The following SH3D19 variants were observed in gnomAD, a reference collection of about 807,000 sequenced individuals.
The protein encoded by SH3D19 is SH3 domain containing 19, also known as SH3 domain-containing protein 19.
In SH3D19, 58 loss-of-function variants were observed where a neutral mutation model predicts 112.1. The ratio of observed to expected loss-of-function variants is 0.52; its 90% CI spans 0.42 to 0.64. The LOEUF (loss-of-function observed/expected upper bound fraction) is 0.64, where lower values mean the gene tolerates loss of function less well. Among genes scored for constraint, SH3D19 ranks in the 30% least tolerant of loss-of-function variants. The pLI, the probability that SH3D19 is intolerant of heterozygous loss-of-function variation, is 0.00. For missense variants in SH3D19, 1,090 were observed against 1,263.4 expected (o/e 0.86, Z 2.08); for synonymous variants, 391 against 448.5 (o/e 0.87, Z 1.62).
chr4:151,156,629 C>T (rs1451906134), intron 9 of SH3D19, among the ~76,000 whole-genome samples: 3 of 152,052 alleles, frequency 2.0e-5, no homozygotes, highest in African/African-American at 4.8e-5. Context: ...CATATGCAGA[C>T]GAATGAAACT....
At chr4:151,186,794 A>AT (rs1225256937) in intron 3 of SH3D19, among the ~76,000 whole-genome samples, 16,294 of 125,814 alleles carry the variant, frequency 0.13, 1,796 homozygotes, top group African/African-American at 0.28. Context: ...TGGTTACATA[A>AT]TTTTTTTTTT....
intron 1 of SH3D19, among the ~76,000 whole-genome samples, chr4:151,253,689 C>T (rs1771582546): frequency 6.6e-6 from 1 of 151,134 alleles, no homozygotes; most frequent in Non-Finnish European, 1.5e-5. Context: ...TGCAGTAAGC[C>T]GAAATCGCAC....
chr4:151,191,467 C>G (rs560225374), intron 2 of SH3D19, among the ~76,000 whole-genome samples: 1 of 152,058 alleles, frequency 6.6e-6, no homozygotes, highest in African/African-American at 2.4e-5. Context: ...ATGGGAGGAA[C>G]CTGGTGGGAG....
At position 151,194,016 on chromosome 4, in the gene SH3D19, A is replaced by ATTTTTTTTTT. The variant is rs201719037; in HGVS notation, c.153-6563_153-6554dup. Among the ~76,000 whole-genome samples, 4 of 111,902 alleles carry ATTTTTTTTTT rather than the reference A, an allele frequency of 3.6e-5. 1 individual carries two copies. The highest frequency in any genetic ancestry group is 8.9e-5 in the African/African-American group (2 of 22,412). 73.4% of individuals were successfully genotyped at this position (111,902 alleles called of 152,430 possible). Reference sequence around the variant, plus strand: ...GATGTGTAGCAGTATAGTAGGATTAATTTTTTTTTTTTTTTTTTTTTTTTT... The same window carrying ATTTTTTTTTT: ...GATGTGTAGCAGTATAGTAGGATTAATTTTTTTTTTTTTTTTTTTTTTTTTTTTTTTTTTT... On this transcript the variant is annotated intron_variant, in intron 2 of 19. Transcript: ENST00000604030.
intron 9 of SH3D19, among the ~76,000 whole-genome samples, chr4:151,154,272 A>G (rs1755645819): frequency 6.6e-6 from 1 of 151,784 alleles, no homozygotes; most frequent in African/African-American, 2.4e-5. Flanking sequence ...AGCTGGGATT[A>G]CAGGCATGCA....
chr4:151,153,222 C>T (rs1755407479), intron 9 of SH3D19, among the ~76,000 whole-genome samples: 1 of 152,010 alleles, frequency 6.6e-6, no homozygotes, highest in Non-Finnish European at 1.5e-5. Context: ...TGTTTCTTAT[C>T]TTTTTTCTCC....
intron 12 of SH3D19, among the ~76,000 whole-genome samples, chr4:151,143,252 A>AT (rs1329502779): frequency 2.0e-5 from 3 of 151,648 alleles, no homozygotes; most frequent in East Asian, 3.9e-4. Flanking sequence ...AAAAATTCTA[A>AT]TTTTTTTTAG....
chr4:151,155,126 C>T (rs1001264604), intron 9 of SH3D19, among the ~76,000 whole-genome samples: 1 of 152,176 alleles, frequency 6.6e-6, no homozygotes, highest in Admixed American at 6.5e-5. Flanking sequence ...ATATAATGGA[C>T]ATTAACAAAT....
chr4:151,195,986 A>G (rs922237395), intron 2 of SH3D19, among the ~76,000 whole-genome samples: 1 of 151,936 alleles, frequency 6.6e-6, no homozygotes, highest in Non-Finnish European at 1.5e-5. Flanking sequence ...CAAAAACTAT[A>G]TATATGCAAA....
intron 10 of SH3D19, 67 bp from the exon 11 acceptor site, chr4:151,148,253 TTACA>T: frequency 8.0e-7 from 1 of 1,250,854 alleles, no homozygotes. Flanking sequence ...CTGTCCTGTC[TTACA>T]CACACACACA....
At chr4:151,192,825 T>C (rs955726027) in intron 2 of SH3D19, among the ~76,000 whole-genome samples, 4 of 152,194 alleles carry the variant, frequency 2.6e-5, no homozygotes, top group African/African-American at 7.2e-5. Context: ...GTATATTTAG[T>C]TTCATATTTA....
chr4:151,143,591 A>C (rs1242324716), intron 12 of SH3D19, among the ~76,000 whole-genome samples: 2 of 152,096 alleles, frequency 1.3e-5, no homozygotes, highest in Non-Finnish European at 2.9e-5. Flanking sequence ...ATTTTACTTG[A>C]TCACTATTAT....
chr4:151,194,016 ATTTTTTTTTTT>A lies in SH3D19; in HGVS notation c.153-6564_153-6554del, dbSNP rs201719037. On this transcript the variant is annotated intron_variant, in intron 2 of 19. Transcript: ENST00000604030. The stretch of plus-strand genomic sequence containing the variant: ...GATGTGTAGCAGTATAGTAGGATTA[ATTTTTTTTTTT>A]TTTTTTTTTTTTTTTTTTTTGGTCA... 5.4e-5 allele frequency among the ~76,000 whole-genome samples: 6 copies of A among 111,896 alleles called. No homozygotes were observed. The East Asian group carries it at 7.7e-4, about 14-fold the overall frequency. 73.4% of individuals were successfully genotyped at this position (111,896 alleles called of 152,430 possible).
intron 13 of SH3D19, 68 bp downstream of exon 13, chr4:151,139,707 C>A (rs965863715): frequency 7.0e-7 from 1 of 1,421,460 alleles, no homozygotes; most frequent in South Asian, 1.2e-5. Context: ...GAGAGGCTAA[C>A]CCCCGGCAGG....
intron 1 of SH3D19, chr4:151,262,311 C>T (rs529784033): frequency 1.3e-5 from 2 of 152,306 alleles, no homozygotes; most frequent in East Asian, 1.9e-4. Flanking sequence ...CTTTTTGGCC[C>T]TACAGATATC....
chr4:151,300,134 G>C (rs1367294563), intron 1 of SH3D19, among the ~76,000 whole-genome samples: 4 of 152,176 alleles, frequency 2.6e-5, no homozygotes, highest in Non-Finnish European at 4.4e-5. Flanking sequence ...CCAGGAGGCG[G>C]AGGTTGCAGT....
At chr4:151,201,975 G>A (rs1764457695) in intron 2 of SH3D19, among the ~76,000 whole-genome samples, 1 of 151,064 alleles carries the variant, frequency 6.6e-6, no homozygotes, top group African/African-American at 2.4e-5. Flanking sequence ...TTGCCCCACT[G>A]GACTCCAGCC....
chr4:151,138,692 A>T (rs957073310), intron 13 of SH3D19, among the ~76,000 whole-genome samples: 1 of 55,308 alleles, frequency 1.8e-5, no homozygotes, highest in African/African-American at 1.4e-4. Context: ...TGTCTCACAC[A>T]CACACACACA....
chr4:151,300,374 T>A (rs1326778972), intron 1 of SH3D19: 1 of 152,088 alleles, frequency 6.6e-6, no homozygotes, highest in Non-Finnish European at 1.5e-5. Context: ...AAAAAAACAT[T>A]TAGCAAATAC....
Sources: gnomAD v4.1 joint callset for allele counts (sites outside exome capture counted in the v4.1 genomes callset) on GRCh38, gnomAD v4.1.1 for gene constraint, MANE v1.5 for transcripts, NCBI Gene and HGNC (gene_info 2026-07-23, HGNC 2026-07-21) for gene names.